The following MBP variants were observed in gnomAD, a reference collection of about 807,000 sequenced individuals.
MBP encodes the protein Golli-MBP.
In MBP, 16 loss-of-function variants were observed where a neutral mutation model predicts 35.8. The ratio of observed to expected loss-of-function variants is 0.45; its 90% CI spans 0.30 to 0.68. MBP has a LOEUF of 0.68. Ranked by LOEUF, MBP falls within the 30% of genes least tolerant of loss-of-function variation. The probability of loss-of-function intolerance (pLI) is 0.08; values close to 1 mark genes in which losing one functional copy is unlikely to be tolerated. For synonymous variants in MBP, 143 were observed against 159.6 expected, an observed-to-expected ratio of 0.90 and a Z score of 0.78; for missense variants, 380 against 404.7, an observed-to-expected ratio of 0.94 and a Z score of 0.52.
intron 2 of MBP, among the ~76,000 whole-genome samples, chr18:77,072,767 T>C (rs898132017): frequency 8.5e-5 from 13 of 152,224 alleles, no homozygotes; most frequent in Non-Finnish European, 2.9e-5. Context: ...GCAGCGCAGT[T>C]ACTCAAAGTG....
intron 3 of MBP, among the ~76,000 whole-genome samples, chr18:77,056,152 T>A (rs1042109036): frequency 1.3e-5 from 2 of 152,142 alleles, no homozygotes; most frequent in Admixed American, 6.5e-5. Flanking sequence ...CGGGGCTGGG[T>A]CTGCAGAGGC....
At chr18:77,029,347 C>A (rs1972441133) in intron 3 of MBP, among the ~76,000 whole-genome samples, 1 of 148,528 alleles carries the variant, frequency 6.7e-6, no homozygotes, top group Non-Finnish European at 1.5e-5. Flanking sequence ...TTGCAGTGAG[C>A]CGAGATGGCA....
intron 7 of MBP, chr18:76,986,765 T>C (rs1969581534): frequency 1.0e-6 from 1 of 985,358 alleles, no homozygotes. Context: ...AGTCCTTCTG[T>C]CTTACTCTAT....
At chr18:77,034,792 G>C (rs1219112392) in intron 3 of MBP, among the ~76,000 whole-genome samples, 1 of 152,172 alleles carries the variant, frequency 6.6e-6, no homozygotes, top group Non-Finnish European at 1.5e-5. Context: ...CCTCTCCTTG[G>C]TGGGCTCCTG....
intron 2 of MBP, among the ~76,000 whole-genome samples, chr18:77,068,615 G>A (rs951010211): frequency 8.5e-5 from 13 of 152,184 alleles, no homozygotes; most frequent in African/African-American, 2.7e-4. Flanking sequence ...GTTCACATTT[G>A]TTGTAACTTT....
At chr18:76,980,864 G>C in intron 8 of MBP, 1 of 201,264 alleles carries the variant, frequency 5.0e-6, no homozygotes, top group Non-Finnish European at 1.0e-5. Flanking sequence ...GCGACAACAG[G>C]AGCAACTTCT....
At chr18:77,009,826 GTGA>G in intron 4 of MBP, 1 of 1,556,224 alleles carries the variant, frequency 6.4e-7, no homozygotes, top group Non-Finnish European at 8.7e-7. Flanking sequence ...GCCCCGATGG[GTGA>G]GGACCCGCCG....
At chr18:77,069,700 C>CT (rs962474922) in intron 2 of MBP, among the ~76,000 whole-genome samples, 10 of 152,220 alleles carry the variant, frequency 6.6e-5, no homozygotes, top group African/African-American at 2.4e-4. Flanking sequence ...CCTGTATCCA[C>CT]TTCCCAGGCT....
chr18:77,009,897 A>T, intron 4 of MBP: 1 of 1,596,062 alleles, frequency 6.3e-7, no homozygotes, highest in Non-Finnish European at 8.5e-7. Flanking sequence ...GAGAGGGCAG[A>T]GGGCTCCGGC....
chr18:77,092,285 C>G (rs530058054), intron 2 of MBP, among the ~76,000 whole-genome samples: 37 of 152,336 alleles, frequency 2.4e-4, no homozygotes, highest in African/African-American at 8.7e-4. Context: ...CGGGCTGCAC[C>G]CTCCCTCTGT....
In MBP at chr18:76,988,987, TGCTGAGGGTGGCTA is replaced by T. The variant is rs1246678617; in HGVS notation, c.682-89_682-76del. 7.0e-6 allele frequency: 10 copies of T among 1,419,654 alleles called. No homozygotes were observed. In the Admixed American group the frequency reaches 1.7e-4, roughly 24 times the overall value. The allele number at this position is 1,419,654 out of a possible 1,614,324, so 87.9% of individuals were successfully genotyped here. A position where few individuals can be genotyped will look rare whatever the true frequency, so the allele number is the denominator to read the frequency against. ...GTCCATTTCCTAACGGGCTCCTGCCTGCTGAGGGTGGCTAGCATCCATCAGCTGCCAGAAGCACC... is the reference window on the plus strand; with the variant it reads ...GTCCATTTCCTAACGGGCTCCTGCCTGCATCCATCAGCTGCCAGAAGCACC... On this transcript the variant is annotated intron_variant, in intron 5 of 8. Coordinates refer to ENST00000355994, the MANE Select transcript of MBP (RefSeq NM_001025101.2). This position sits in a 1 kb window ranked among gnomAD's most constrained non-coding sequence, Gnocchi z 5.2.
At position 77,016,858 on chromosome 18, in the gene MBP, C is replaced by T. The variant is rs1016910704; in HGVS notation, c.550G>A (p.Gly184Ser). The part of the protein sequence containing the change: ...SIGRFFGGDR[G>S]APKRGSGKDS... ...TTGCCAGAGCCCCGCTTGGGCGCAC[C>T]CCTGTCACCGCCAAAGAAGCGCCCG... Residue 184 changes from glycine (G) to serine (S), a missense_variant, in exon 4 of 9, where the codon GGT (glycine) becomes AGT (serine). Transcript: ENST00000355994. The T allele has an allele frequency of 6.2e-7, 1 of 1,614,104 alleles. No homozygotes were observed. Among genetic ancestry groups the T allele is most frequent in the Non-Finnish European group, 8.5e-7 (1 of 1,180,058 alleles).
intron 4 of MBP, among the ~76,000 whole-genome samples, chr18:77,008,609 G>C (rs1971137904): frequency 6.6e-6 from 1 of 152,134 alleles, no homozygotes; most frequent in African/African-American, 2.4e-5. Flanking sequence ...CGACCACCTT[G>C]GGGCTCTCAC....
rs1422257269 is a variant in MBP at position 77,101,666 on chromosome 18, C to A, written c.51+3545G>T. ...CAACTCCAGAAAAGTGTCTTTTTTT[C>A]ACCAATCAGAGACATTCCACAGTTA... On this transcript the variant is annotated intron_variant, in intron 2 of 8. Coordinates refer to ENST00000355994, the MANE Select transcript of MBP (RefSeq NM_001025101.2). This position sits in a 1 kb window ranked among gnomAD's most constrained non-coding sequence, Gnocchi z 4.3. Among the ~76,000 whole-genome samples the A allele has an allele frequency of 1.3e-5, 2 of 152,172 alleles. No individual in the cohort carries two copies. Among genetic ancestry groups the A allele is most frequent in the Admixed American group, 6.5e-5 (1 of 15,278 alleles).
chr18:77,020,282 C>G lies in MBP; in HGVS notation c.140-3014G>C, dbSNP rs971247437. On this transcript the variant is annotated intron_variant, in intron 3 of 8. Transcript: ENST00000355994. This position sits in a 1 kb window ranked among gnomAD's most constrained non-coding sequence, Gnocchi z 4.1. ...AGTGGGGAGAGTGGCTGCAGGTGGC[C>G]TGGTTGGGGAAGGTGTAGACAGGGA... 6.6e-6 allele frequency among the ~76,000 whole-genome samples: 1 copy of G among 151,960 alleles called. No homozygotes were observed.
intron 2 of MBP, among the ~76,000 whole-genome samples, chr18:77,083,300 G>A (rs771626398): frequency 1.6e-4 from 25 of 152,122 alleles, no homozygotes; most frequent in Non-Finnish European, 2.8e-4. Flanking sequence ...TATGAGTAAA[G>A]GTTCAGTAAA....
chr18:77,085,830 G>A (rs961985675), intron 2 of MBP, among the ~76,000 whole-genome samples: 11 of 151,918 alleles, frequency 7.2e-5, no homozygotes, highest in Non-Finnish European at 8.8e-5. Context: ...GATTACAGGC[G>A]TCCACCACCA....
intron 1 of MBP, among the ~76,000 whole-genome samples, chr18:77,126,537 AC>A (rs1454961982): frequency 4.6e-5 from 7 of 152,244 alleles, no homozygotes; most frequent in African/African-American, 1.7e-4. Context: ...TCTAACCAGT[AC>A]GGTAAGATAA....
chr18:77,016,619 T>C, intron 4 of MBP: 3 of 1,410,302 alleles, frequency 2.1e-6, no homozygotes, highest in East Asian at 2.5e-5. Context: ...CACCATCCCT[T>C]GTGAGGAAAA....
Sources: gnomAD v4.1 joint callset for allele counts (sites outside exome capture counted in the v4.1 genomes callset) on GRCh38, gnomAD v4.1.1 for gene constraint, Gnocchi (gnomAD v3.1) non-coding constraint, MANE v1.5 for transcripts, NCBI Gene and HGNC (gene_info 2026-07-23, HGNC 2026-07-21) for gene names.